Variants in UXS1 observed in about 807,000 individuals in gnomAD.
UXS1 encodes the protein UDP-glucuronate decarboxylase 1.
A neutral mutation model predicts 62.6 loss-of-function variants in UXS1; 33 were observed. That is an observed-to-expected ratio of 0.53 (90% CI 0.40 to 0.70). The LOEUF (loss-of-function observed/expected upper bound fraction) is 0.70, where lower values mean the gene tolerates loss of function less well. Among genes scored for constraint, UXS1 ranks in the 30% least tolerant of loss-of-function variants. The probability of loss-of-function intolerance (pLI) is 0.00; values close to 1 mark genes in which losing one functional copy is unlikely to be tolerated. For synonymous variants in UXS1, 213 were observed against 206.8 expected, an observed-to-expected ratio of 1.03 and a Z score of -0.26; for missense variants, 434 against 556.3, an observed-to-expected ratio of 0.78 and a Z score of 2.21.
chr2:106,118,157 G>A (rs959773781), intron 9 of UXS1, among the ~76,000 whole-genome samples: 1 of 152,208 alleles, frequency 6.6e-6, no homozygotes, highest in Non-Finnish European at 1.5e-5. Flanking sequence ...AGGTCCAGAG[G>A]ACAGGACGGG....
At chr2:106,110,488 C>A (rs1558684778) in intron 10 of UXS1, among the ~76,000 whole-genome samples, 1 of 152,188 alleles carries the variant, frequency 6.6e-6, no homozygotes, top group Non-Finnish European at 1.5e-5. Context: ...TTTCTGAACA[C>A]AGTTGCTAAA....
In UXS1 at chr2:106,104,819, G is replaced by A. The variant is rs1398764755; in HGVS notation, c.898C>T (p.Gln300Ter). 1 of 1,614,000 alleles carries A rather than the reference G, an allele frequency of 6.2e-7. No individual in the cohort carries two copies. Among genetic ancestry groups the A allele is most frequent in the Non-Finnish European group, 8.5e-7 (1 of 1,179,886 alleles). ...CTGACGTACTGGAACGCCCTTGTCTGAGACCCGGATCCGTATACCTGGAAG... is the reference window on the plus strand; with the variant it reads ...CTGACGTACTGGAACGCCCTTGTCTAAGACCCGGATCCGTATACCTGGAAG... ...EPLTVYGSGS[Q>*]TRAFQYVSDL... Residue 300 changes from glutamine to a stop codon, truncating the protein, a stop_gained, in exon 11 of 15, where the codon CAG (glutamine) becomes TAG (stop). Transcript: ENST00000283148. LOFTEE classifies it high-confidence loss of function.
chr2:106,143,437 A>AAAAAAAAG (rs1558719544), intron 6 of UXS1, among the ~76,000 whole-genome samples: 2 of 122,750 alleles, frequency 1.6e-5, no homozygotes, highest in Non-Finnish European at 3.7e-5. Context: ...AAAAAAAAAA[A>AAAAAAAAG]AGGTATAATT....
chr2:106,168,095 A>G (rs566293541), intron 1 of UXS1, among the ~76,000 whole-genome samples: 17 of 152,296 alleles, frequency 1.1e-4, no homozygotes, highest in African/African-American at 4.1e-4. Context: ...CTGGAAATGG[A>G]GGTTACAGTG....
rs777916342 is a variant in UXS1 at position 106,096,693 on chromosome 2, GGCAGCATTAACTC to G, written c.1146+12_1146+24del. ...GGACACGGGAGGCCCCTCCCCACAA[GGCAGCATTAACTC>G]CCTGCACTTACCACGGGCTCCCACC... On this transcript the variant is annotated intron_variant, in intron 14 of 14. Coordinates refer to ENST00000283148, the MANE Select transcript of UXS1 (RefSeq NM_001253875.2). 1.3e-6 allele frequency: 2 copies of G among 1,534,556 alleles called. No homozygotes were observed. Among genetic ancestry groups the G allele is most frequent in the Non-Finnish European group, 1.8e-6 (2 of 1,137,124 alleles).
At chr2:106,163,407 A>C (rs575877395) in intron 4 of UXS1, among the ~76,000 whole-genome samples, 6 of 152,346 alleles carry the variant, frequency 3.9e-5, no homozygotes, top group African/African-American at 1.4e-4. Context: ...AGTTCAAGGA[A>C]AATGTGAGGC....
chr2:106,138,797 T>C (rs889996642), intron 6 of UXS1: 2 of 985,486 alleles, frequency 2.0e-6, no homozygotes, highest in South Asian at 4.7e-5. Context: ...GAAAACCCTA[T>C]GAAAATCAAA....
chr2:106,152,494 AGAGGGAGGGAGG>A (rs10590942), intron 5 of UXS1, among the ~76,000 whole-genome samples: 16 of 104,126 alleles, frequency 1.5e-4, no homozygotes, highest in Admixed American at 8.7e-4. Flanking sequence ...AGGGAGGGAG[AGAGGGAGGGAGG>A]GAGGGAGGGA....
chr2:106,125,522 C>G, intron 8 of UXS1, 98 bp downstream of exon 8: 1 of 1,194,792 alleles, frequency 8.4e-7, no homozygotes, highest in Non-Finnish European at 1.1e-6. Context: ...CATGGGCAGG[C>G]TGGGCCTCCT....
chr2:106,189,911 C>A (rs1027058255), intron 1 of UXS1, among the ~76,000 whole-genome samples: 13 of 152,134 alleles, frequency 8.5e-5, no homozygotes, highest in Non-Finnish European at 1.9e-4. Context: ...AAGAGGGAGT[C>A]AGGAAGAGGA....
chr2:106,101,029 C>T (rs1677547296), intron 12 of UXS1, 29 bp downstream of exon 12: 2 of 1,613,672 alleles, frequency 1.2e-6, no homozygotes, highest in African/African-American at 1.3e-5. Context: ...CTGAGCTGTC[C>T]TGCAGAGTGG....
intron 4 of UXS1, among the ~76,000 whole-genome samples, chr2:106,161,741 CAG>C (rs1306173673): frequency 1.3e-5 from 2 of 152,064 alleles, no homozygotes; most frequent in African/African-American, 2.4e-5. Flanking sequence ...TTTAAAGATA[CAG>C]AGTTAAAATT....
chr2:106,170,916 G>T (rs893639951), intron 1 of UXS1, among the ~76,000 whole-genome samples: 1 of 152,210 alleles, frequency 6.6e-6, no homozygotes, highest in African/African-American at 2.4e-5. Flanking sequence ...ATTACTAACA[G>T]ATGCACTCTA....
At chr2:106,111,403 A>C (rs2104879626) in intron 10 of UXS1, among the ~76,000 whole-genome samples, 1 of 152,294 alleles carries the variant, frequency 6.6e-6, no homozygotes, top group East Asian at 1.9e-4. Context: ...CTCCCCAGGA[A>C]TGCACTCAGC....
intron 1 of UXS1, among the ~76,000 whole-genome samples, chr2:106,188,945 C>T (rs543974542): frequency 3.3e-5 from 5 of 152,266 alleles, no homozygotes; most frequent in African/African-American, 1.2e-4. Flanking sequence ...CAAAAAAGAA[C>T]TCTTATACAT....
intron 10 of UXS1, 44 bp downstream of exon 10, chr2:106,112,602 G>A (rs771867056): frequency 1.2e-5 from 20 of 1,607,588 alleles, no homozygotes; most frequent in South Asian, 2.2e-5. Context: ...AGCTGACTTC[G>A]ATTTGGGTTG....
chr2:106,171,761 C>T (rs1683575690), intron 1 of UXS1, among the ~76,000 whole-genome samples: 1 of 152,218 alleles, frequency 6.6e-6, no homozygotes, highest in Admixed American at 6.5e-5. Context: ...CTACAGTATG[C>T]TTTAGCATGT....
intron 6 of UXS1, among the ~76,000 whole-genome samples, chr2:106,143,041 A>AT (rs377164430): frequency 5.1e-4 from 77 of 152,012 alleles, no homozygotes; most frequent in African/African-American, 1.6e-3. Flanking sequence ...TTAAAACACC[A>AT]TTTTTACTAA....
In UXS1 at chr2:106,129,759, C is replaced by G. The variant is rs1028096669; in HGVS notation, c.492G>C (p.Leu164=). The G allele has an allele frequency of 3.1e-6, 5 of 1,608,960 alleles. No homozygotes were observed. In the African/African-American group the frequency reaches 4.0e-5, roughly 13 times the overall value. The change falls in exon 7 of 15, where the codon CTG becomes CTC. Residue 164 remains leucine, a synonymous_variant. Coordinates refer to ENST00000283148, the MANE Select transcript of UXS1 (RefSeq NM_001253875.2). ...LYIEVDQIYH[L]ASPASPPNYM... ...AGTTTGGAGGGGAGGCTGGAGATGCCAGATGGTATATCTGGTCAACTAAAG... is the reference window on the plus strand; with the variant it reads ...AGTTTGGAGGGGAGGCTGGAGATGCGAGATGGTATATCTGGTCAACTAAAG...
Sources: allele counts gnomAD v4.1 joint callset (sites outside exome capture counted in the v4.1 genomes callset), GRCh38; gene constraint gnomAD v4.1.1; transcripts MANE v1.5; gene names NCBI Gene and HGNC (gene_info 2026-07-23, HGNC 2026-07-21).